Variants in ASPHD2 observed in about 807,000 individuals in gnomAD.
ASPHD2 encodes the protein aspartate beta-hydroxylase domain containing 2, also known as aspartate beta-hydroxylase domain-containing protein 2.
ASPHD2 carries 12 observed loss-of-function variants against 34.6 expected under a neutral mutation model. That is an observed-to-expected ratio of 0.35 (90% CI 0.22 to 0.56). The LOEUF is 0.56. Ranked by LOEUF, ASPHD2 falls within the 20% of genes least tolerant of loss-of-function variation. ASPHD2 has a pLI of 0.87. For synonymous variants in ASPHD2, 224 were observed against 212.2 expected (o/e 1.06, Z -0.48); for missense variants, 375 against 505.0 (o/e 0.74, Z 2.47).
rs749581355 is a variant in ASPHD2, at chr22:26,443,173, G to A, written c.1077G>A (p.Gln359=). Residue 359 remains glutamine (Q), a synonymous_variant, in exon 4 of 4, where the codon CAG becomes CAA. Transcript: ENST00000215906. ...CAAACGTCGCAGCGGCCGAACGGCA[G>A]GCTCTTGATTTCATCTTTGCTCCGG... is the stretch of plus-strand genomic sequence containing the variant. ...WHPNVAAAER[Q]ALDFIFAPGR 1.9e-6 allele frequency: 3 copies of A among 1,614,186 alleles called. No individual in the cohort carries two copies. In the South Asian group the frequency reaches 3.3e-5, roughly 18 times the overall value.
intron 1 of ASPHD2, among the ~76,000 whole-genome samples, chr22:26,432,383 A>G (rs2084762641): frequency 1.3e-5 from 2 of 152,240 alleles, no homozygotes; most frequent in African/African-American, 4.8e-5. Flanking sequence ...GTAGAGTACA[A>G]AAGGGATATT....
intron 2 of ASPHD2, among the ~76,000 whole-genome samples, chr22:26,437,488 C>G (rs1404396697): frequency 6.6e-6 from 1 of 152,202 alleles, no homozygotes; most frequent in South Asian, 2.1e-4. Flanking sequence ...GGCCCACCCC[C>G]CACTCAGCAT....
In ASPHD2 at chr22:26,443,418, T is replaced by G; in HGVS notation, c.*212T>G. On this transcript the variant is annotated 3_prime_UTR_variant, in exon 4 of 4. Coordinates refer to ENST00000215906, the MANE Select transcript of ASPHD2 (RefSeq NM_020437.5). The stretch of plus-strand genomic sequence containing the variant: ...GGCTTGTATTTCCTTAGATTTTTTT[T>G]TTTTCCTTCCAATCATTTGCTTCAG... 1 of 520,220 alleles carries G rather than the reference T, an allele frequency of 1.9e-6. No individual in the cohort carries two copies. Among genetic ancestry groups the G allele is most frequent in the South Asian group, 2.2e-5 (1 of 45,490 alleles). 32.2% of individuals were successfully genotyped at this position (520,220 alleles called of 1,614,324 possible). A position where few individuals can be genotyped will look rare whatever the true frequency, so the allele number is the denominator to read the frequency against.
rs1309739706 is a variant in ASPHD2, at chr22:26,433,292, C to T, written c.-224-100C>T. ...ATACACAAGATTGCAAAGTGTGACC[C>T]CCACCAACTAGGATCCTACAGAACG... is the stretch of plus-strand genomic sequence containing the variant. On this transcript the variant is annotated intron_variant, in intron 1 of 3. Transcript: ENST00000215906. This position sits in a 1 kb window ranked among gnomAD's most constrained non-coding sequence, Gnocchi z 5.1. 1 of 362,630 alleles carries T rather than the reference C, an allele frequency of 2.8e-6. No homozygotes were observed. Among genetic ancestry groups the T allele is most frequent in the Non-Finnish European group, 5.1e-6 (1 of 197,398 alleles). 22.5% of individuals were successfully genotyped at this position (362,630 alleles called of 1,614,324 possible).
chr22:26,443,027 C>T, intron 3 of ASPHD2, 70 bp from the exon 4 acceptor site: 1 of 1,180,324 alleles, frequency 8.5e-7, no homozygotes, highest in Non-Finnish European at 1.3e-6. Flanking sequence ...AGGGTCCAGC[C>T]CTGCCTGGAT....
Position 26,443,508 on chromosome 22 carries a change from C to A in ASPHD2, c.*302C>A, listed in dbSNP as rs2084874006. On this transcript the variant is annotated 3_prime_UTR_variant, in exon 4 of 4. Coordinates refer to ENST00000215906, the MANE Select transcript of ASPHD2 (RefSeq NM_020437.5). ...TCCTTGAGTGACCAGAGACTTAGTG[C>A]CCTTGTAAGTCTGTCTTCTGTTGCT... 1 of 250,028 alleles carries A rather than the reference C, an allele frequency of 4.0e-6. No individual in the cohort carries two copies. The highest frequency in any genetic ancestry group is 5.3e-5 in the Admixed American group (1 of 18,992). 15.5% of individuals were successfully genotyped at this position (250,028 alleles called of 1,614,324 possible). A position where few individuals can be genotyped will look rare whatever the true frequency, so the allele number is the denominator to read the frequency against.
In ASPHD2 at chr22:26,443,011, G is replaced by A. The variant is rs528359012; in HGVS notation, c.1001-86G>A. 45 of 954,716 alleles carry A rather than the reference G, an allele frequency of 4.7e-5. No homozygotes were observed. The Admixed American group carries it at 7.9e-4, about 17-fold the overall frequency. 59.1% of individuals were successfully genotyped at this position (954,716 alleles called of 1,614,324 possible). A position where few individuals can be genotyped will look rare whatever the true frequency, so the allele number is the denominator to read the frequency against. ...GATGGGGTCCCTGCCCCGAAGCTGA[G>A]CACGTAGGGTCCAGCCCTGCCTGGA... On this transcript the variant is annotated intron_variant, in intron 3 of 3. Transcript: ENST00000215906.
Position 26,436,290 on chromosome 22 carries a change from A to G in ASPHD2, c.886+1789A>G, listed in dbSNP as rs77146344. On this transcript the variant is annotated intron_variant, in intron 2 of 3. Transcript: ENST00000215906. ...TGGCTGTTTTGAGGAGTGGGAAGTAATATGTGTAAAATGCTTGGCAGGTAG... is the reference window on the plus strand; with the variant it reads ...TGGCTGTTTTGAGGAGTGGGAAGTAGTATGTGTAAAATGCTTGGCAGGTAG... Among the ~76,000 whole-genome samples the G allele has an allele frequency of 5.0e-3, 756 of 152,318 alleles. 6 individuals carry two copies. Among genetic ancestry groups the G allele is most frequent in the Non-Finnish European group, 7.0e-3 (473 of 68,034 alleles).
At chr22:26,440,988 T>C (rs1292188836) in intron 2 of ASPHD2, among the ~76,000 whole-genome samples, 1 of 152,186 alleles carries the variant, frequency 6.6e-6, no homozygotes, top group Non-Finnish European at 1.5e-5. Flanking sequence ...TGACCCAGAA[T>C]AGATGAAGCC....
rs1194519942 is a variant in ASPHD2, at chr22:26,444,476, G to A, written c.*1270G>A. The A allele has an allele frequency of 6.6e-6, 1 of 152,218 alleles. No homozygotes were observed. The highest frequency in any genetic ancestry group is 1.5e-5 in the Non-Finnish European group (1 of 68,040). The allele number at this position is 152,218 out of a possible 1,614,324, so 9.4% of individuals were successfully genotyped here. A position where few individuals can be genotyped will look rare whatever the true frequency, so the allele number is the denominator to read the frequency against. On this transcript the variant is annotated 3_prime_UTR_variant, in exon 4 of 4. Coordinates refer to ENST00000215906, the MANE Select transcript of ASPHD2 (RefSeq NM_020437.5). ...TCTCTTCCCGAAGGAAAAGGTCCCA[G>A]GAGACCAGTTTGAGGCACTCACTCT...
Position 26,438,652 on chromosome 22 carries a change from C to CATATATATATACATACAT in ASPHD2, c.887-3796_887-3795insCATACATATATATATATA, listed in dbSNP as rs1568984149. 2.8e-4 allele frequency among the ~76,000 whole-genome samples: 34 copies of CATATATATATACATACAT among 122,570 alleles called. 1 individual carries two copies. The highest frequency in any genetic ancestry group is 8.9e-4 in the African/African-American group (28 of 31,622). The allele number at this position is 122,570 out of a possible 152,430, so 80.4% of individuals were successfully genotyped here. On this transcript the variant is annotated intron_variant, in intron 2 of 3. Transcript: ENST00000215906. ...ATATATACATATATATATACACATA[C>CATATATATATACATACAT]ATATATATATATACACATACATACA...
chr22:26,437,393 C>T (rs2084798967), intron 2 of ASPHD2, among the ~76,000 whole-genome samples: 1 of 152,248 alleles, frequency 6.6e-6, no homozygotes, highest in African/African-American at 2.4e-5. Context: ...TTGTTCGAGA[C>T]ATATTTGCTG....
At chr22:26,435,817 G>A (rs1027624999) in intron 2 of ASPHD2, among the ~76,000 whole-genome samples, 5 of 152,192 alleles carry the variant, frequency 3.3e-5, no homozygotes, top group Admixed American at 2.0e-4. Flanking sequence ...AGTAAAGGGC[G>A]GACTGGGTGG....
At chr22:26,432,898 A>C (rs1234136438) in intron 1 of ASPHD2, among the ~76,000 whole-genome samples, 1 of 152,208 alleles carries the variant, frequency 6.6e-6, no homozygotes, top group South Asian at 2.1e-4. Context: ...GAAATGGAGA[A>C]TATGCAGTTT....
chr22:26,433,642 G>A lies in ASPHD2; in HGVS notation c.27G>A (p.Pro9=), dbSNP rs373107990. 9.3e-6 allele frequency: 15 copies of A among 1,613,930 alleles called. No homozygotes were observed. Among genetic ancestry groups the A allele is most frequent in the Middle Eastern group, 1.6e-4 (1 of 6,082 alleles). Residue 9 remains proline (P), a synonymous_variant, in exon 2 of 4, where the codon CCG becomes CCA. Coordinates refer to ENST00000215906, the MANE Select transcript of ASPHD2 (RefSeq NM_020437.5). The surrounding 1 kb of genome is among the most constrained non-coding windows in gnomAD (Gnocchi z 5.1). The part of the protein sequence containing the change: MVWAPLGP[P]RTDCLTLLHT... ...TGGTGTGGGCGCCCTTGGGACCCCCGAGGACTGATTGTCTGACCTTGCTTC... is the reference window on the plus strand; with the variant it reads ...TGGTGTGGGCGCCCTTGGGACCCCCAAGGACTGATTGTCTGACCTTGCTTC...
Position 26,443,410 on chromosome 22 carries a change from ATTT to A in ASPHD2, c.*214_*216del. 2 of 427,246 alleles carry A rather than the reference ATTT, an allele frequency of 4.7e-6. No individual in the cohort carries two copies. Among genetic ancestry groups the A allele is most frequent in the South Asian group, 3.0e-5 (1 of 33,516 alleles). The allele number at this position is 427,246 out of a possible 1,614,324, so 26.5% of individuals were successfully genotyped here. The stretch of plus-strand genomic sequence containing the variant: ...AACTTTTCGGCTTGTATTTCCTTAG[ATTT>A]TTTTTTTTTCCTTCCAATCATTTGC... On this transcript the variant is annotated 3_prime_UTR_variant, in exon 4 of 4. Transcript: ENST00000215906.
chr22:26,438,618 TACAC>T (rs1340379699), intron 2 of ASPHD2, among the ~76,000 whole-genome samples: 2 of 50,960 alleles, frequency 3.9e-5, no homozygotes, highest in African/African-American at 1.4e-4. Context: ...CATATATATA[TACAC>T]ACATATATAT....
chr22:26,436,922 A>G (rs1489104474), intron 2 of ASPHD2, among the ~76,000 whole-genome samples: 1 of 151,890 alleles, frequency 6.6e-6, no homozygotes, highest in Non-Finnish European at 1.5e-5. Flanking sequence ...TTCCTTTCTC[A>G]GCCCAGCTAG....
chr22:26,435,194 T>G (rs1485804198), intron 2 of ASPHD2, among the ~76,000 whole-genome samples: 1 of 152,178 alleles, frequency 6.6e-6, no homozygotes, highest in East Asian at 1.9e-4. Context: ...AATTTCACTA[T>G]TTGGGAAGTG....
Sources: allele counts gnomAD v4.1 joint callset (sites outside exome capture counted in the v4.1 genomes callset), GRCh38; gene constraint gnomAD v4.1.1; non-coding constraint Gnocchi (gnomAD v3.1); transcripts MANE v1.5; gene names NCBI Gene and HGNC (gene_info 2026-07-23, HGNC 2026-07-21).